The following ZNF44 variants were observed in gnomAD, a reference collection of about 807,000 sequenced individuals.
ZNF44 encodes gonadotropin inducible transcription repressor-2.
A neutral mutation model predicts 11.7 loss-of-function variants in ZNF44; 9 were observed. The ratio of observed to expected loss-of-function variants is 0.77; its 90% CI spans 0.46 to 1.35. The LOEUF (loss-of-function observed/expected upper bound fraction) is 1.35, where lower values mean the gene tolerates loss of function less well. Ranked by LOEUF, ZNF44 falls within the 40% of genes most tolerant of loss-of-function variation. ZNF44 has a pLI of 0.00. For missense variants in ZNF44, 696 were observed against 743.1 expected (o/e 0.94, Z 0.74); for synonymous variants, 224 against 242.7 (o/e 0.92, Z 0.72).
At chr19:12,252,802 C>T (rs1228191888) in intron 5 of ZNF44, among the ~76,000 whole-genome samples, 2 of 149,816 alleles carry the variant, frequency 1.3e-5, no homozygotes, top group Non-Finnish European at 3.0e-5. Context: ...AAGAGTCAAA[C>T]ACTGAAGTCA....
At chr19:12,239,239 G>A (rs566563364), upstream of ZNF44, among the ~76,000 whole-genome samples, 6 of 150,366 alleles carry the variant, frequency 4.0e-5, no homozygotes, top group East Asian at 2.0e-4. Context: ...CAGCCTCCCC[G>A]AGCAGCTGTG....
At position 12,250,780 on chromosome 19, in the gene ZNF44, A is replaced by C. The variant is rs562977598; in HGVS notation, c.1913-412T>G. ...ATGAATAAAAGCACACTGAAGAACT[A>C]GAAGCTTTTTCTACTATTCCCATCA... is the stretch of plus-strand genomic sequence containing the variant. On this transcript the variant is annotated intron_variant and NMD_transcript_variant, in intron 5 of 7. Coordinates refer to the ZNF44 transcript ENST00000393337. 2.3e-4 allele frequency: 105 copies of C among 456,356 alleles called. 1 individual carries two copies. Among genetic ancestry groups the C allele is most frequent in the African/African-American group, 1.9e-3 (97 of 50,226 alleles). 28.3% of individuals were successfully genotyped at this position (456,356 alleles called of 1,614,324 possible). A position where few individuals can be genotyped will look rare whatever the true frequency, so the allele number is the denominator to read the frequency against.
intron 5 of ZNF44, among the ~76,000 whole-genome samples, chr19:12,251,273 G>T (rs979390970): frequency 6.6e-6 from 1 of 151,472 alleles, no homozygotes; most frequent in Non-Finnish European, 1.5e-5. Flanking sequence ...GGAGGGTACA[G>T]TGAGCCAAGA....
intron 1 of ZNF44, among the ~76,000 whole-genome samples, chr19:12,289,588 T>C (rs1221541185): frequency 6.6e-6 from 1 of 151,842 alleles, no homozygotes; most frequent in African/African-American, 2.4e-5. Flanking sequence ...CGCTTTCAGA[T>C]CTTATACTTA....
chr19:12,262,464 T>G (rs1917547184), intron 5 of ZNF44, among the ~76,000 whole-genome samples: 1 of 151,958 alleles, frequency 6.6e-6, no homozygotes, highest in Non-Finnish European at 1.5e-5. Context: ...AGAGACAGGG[T>G]TTCACTGTGT....
intron 1 of ZNF44, among the ~76,000 whole-genome samples, chr19:12,281,716 T>G (rs921526956): frequency 1.3e-5 from 2 of 152,136 alleles, no homozygotes; most frequent in Non-Finnish European, 2.9e-5. Context: ...ACTACTCCCA[T>G]GGACAGTAAA....
Position 12,275,959 on chromosome 19 carries a change from T to A in ZNF44, c.127A>T (p.Ile43Leu), listed in dbSNP as rs756661419. 6.2e-7 allele frequency: 1 copy of A among 1,601,814 alleles called. No homozygotes were observed. Among genetic ancestry groups the A allele is most frequent in the Non-Finnish European group, 8.5e-7 (1 of 1,172,048 alleles). ...MRETIRNLNC[I>L]GMKWENQNID... ...GAAGACATGATGTCATCCATACCTA[T>A]ACAGTTCAGGTTCCTAATGGTTTCT... is the stretch of plus-strand genomic sequence containing the variant. The change falls in exon 2 of 4, where the codon ATA becomes TTA. Residue 43 changes from isoleucine to leucine, a missense_variant. Transcript: ENST00000355684.
In ZNF44 at chr19:12,251,585, A is replaced by C. The variant is rs908154689; in HGVS notation, c.1913-1217T>G. On this transcript the variant is annotated intron_variant and NMD_transcript_variant, in intron 5 of 7. Transcript: ENST00000393337. ...AGTTAGAGCTCAGGCATGAGGAATA[A>C]AGCATGACAACTTTAGATAAAATCT... Among the ~76,000 whole-genome samples the C allele has an allele frequency of 2.6e-5, 4 of 152,140 alleles. No homozygotes were observed. The East Asian group carries it at 7.7e-4, about 29-fold the overall frequency.
At position 12,275,235 on chromosome 19, in the gene ZNF44, C is replaced by G. The variant is rs982703401; in HGVS notation, c.131-202G>C. 2.0e-5 allele frequency among the ~76,000 whole-genome samples: 3 copies of G among 152,138 alleles called. No homozygotes were observed. In the East Asian group the frequency reaches 5.8e-4, roughly 29 times the overall value. On this transcript the variant is annotated intron_variant, in intron 2 of 3. Transcript: ENST00000355684. ...GCTACCCCTGAGACAGCAATATCAA[C>G]CCCTCTTCTTAGTTAGCCTACTCAA...
At chr19:12,263,148 C>G (rs944075917) in intron 5 of ZNF44, among the ~76,000 whole-genome samples, 7 of 151,598 alleles carry the variant, frequency 4.6e-5, no homozygotes, top group Admixed American at 4.6e-4. Flanking sequence ...TGCAATGGCG[C>G]AATCTCCCGC....
chr19:12,292,321 A>C (rs1297366188), intron 1 of ZNF44, among the ~76,000 whole-genome samples: 1 of 152,192 alleles, frequency 6.6e-6, no homozygotes, highest in Non-Finnish European at 1.5e-5. Flanking sequence ...TAAAAAATAA[A>C]AATAATAAAA....
Position 12,273,721 on chromosome 19 carries a change from G to A in ZNF44, c.534C>T (p.Phe178=). ...GTCTTCGAAGGTTTCCAGGAGAACT[G>A]AAGGTTTTTCCACATTCCTTACAAT... ...PYDCKECGKT[F]SSPGNLRRHM... is the part of the protein sequence containing the mutation. The change falls in exon 4 of 4, where the codon TTC becomes TTT. Residue 178 remains phenylalanine, a synonymous_variant. Transcript: ENST00000355684. 4 of 1,614,120 alleles carry A rather than the reference G, an allele frequency of 2.5e-6. No individual in the cohort carries two copies. Among genetic ancestry groups the A allele is most frequent in the Middle Eastern group, 1.6e-4 (1 of 6,062 alleles).
chr19:12,225,761 C>T (rs544725623), downstream of ZNF44, among the ~76,000 whole-genome samples: 7 of 152,140 alleles, frequency 4.6e-5, no homozygotes, highest in East Asian at 3.9e-4. Context: ...GAGGTAGGAA[C>T]GATAAAAGTA....
chr19:12,250,921 A>C (rs1225936554), intron 5 of ZNF44: 1 of 413,648 alleles, frequency 2.4e-6, no homozygotes, highest in Non-Finnish European at 4.9e-6. Context: ...CAATTCAATC[A>C]AAATATTTCT....
intron 1 of ZNF44, among the ~76,000 whole-genome samples, chr19:12,281,161 C>A (rs1485165813): frequency 6.6e-6 from 1 of 152,070 alleles, no homozygotes; most frequent in Non-Finnish European, 1.5e-5. Context: ...CTTCTCAAGC[C>A]TACATGAAAT....
downstream of ZNF44, chr19:12,247,481 A>G (rs775352281): frequency 1.0e-5 from 14 of 1,340,496 alleles, no homozygotes; most frequent in Non-Finnish European, 1.4e-5. Context: ...GTATATGAAT[A>G]TAACTGGAAC....
downstream of ZNF44, among the ~76,000 whole-genome samples, chr19:12,244,178 A>T (rs1038758196): frequency 9.9e-5 from 15 of 151,732 alleles, no homozygotes; most frequent in African/African-American, 2.4e-4. Context: ...CCCAGCTAAT[A>T]ATTTATTTAT....
Position 12,294,701 on chromosome 19 carries a change from G to C in ZNF44, c.-7C>G. On this transcript the variant is annotated 5_prime_UTR_variant, in exon 1 of 4. Transcript: ENST00000355684. ...GGCCCCGCACACTCACCATTTCCCG[G>C]CTGTGCGGTGTCCCGGGTCCTCCCA... is the stretch of plus-strand genomic sequence containing the variant. 1 of 1,559,698 alleles carries C rather than the reference G, an allele frequency of 6.4e-7. No individual in the cohort carries two copies. The highest frequency in any genetic ancestry group is 1.9e-5 in the Admixed American group (1 of 52,604).
intron 1 of ZNF44, among the ~76,000 whole-genome samples, chr19:12,277,954 C>T (rs1967302765): frequency 6.6e-6 from 1 of 152,198 alleles, no homozygotes; most frequent in African/African-American, 2.4e-5. Flanking sequence ...CACAAGATGA[C>T]TAAGACATAC....
Sources: allele counts gnomAD v4.1 joint callset (sites outside exome capture counted in the v4.1 genomes callset), GRCh38; gene constraint gnomAD v4.1.1; transcripts MANE v1.5; gene names NCBI Gene and HGNC (gene_info 2026-07-23, HGNC 2026-07-21).